Variants in TUBB8B observed in about 807,000 individuals in gnomAD.
TUBB8B encodes the protein HSA18p11 beta-tubulin 4Q pseudogene.
Under a neutral mutation model 31.9 loss-of-function variants are expected in TUBB8B, and 26 were observed. That is an observed-to-expected ratio of 0.81 (90% CI 0.60 to 1.13). TUBB8B has a LOEUF of 1.13. Ranked by LOEUF, TUBB8B falls within the 50% of genes most tolerant of loss-of-function variation. The pLI is 0.00. For synonymous variants in TUBB8B, 173 were observed against 231.0 expected (o/e 0.75, Z 2.28); for missense variants, 467 against 586.7 (o/e 0.80, Z 2.11).
At chr18:66,869 C>T in the TUBB8B span, among the ~76,000 whole-genome samples, 1 of 152,072 alleles carries the variant, frequency 6.6e-6, no homozygotes, top group African/African-American at 2.4e-5. Flanking sequence ...AGTACTGCCA[C>T]CTTAAGAATT....
the TUBB8B span, among the ~76,000 whole-genome samples, chr18:70,591 C>T: frequency 1.3e-5 from 2 of 152,220 alleles, no homozygotes; most frequent in African/African-American, 2.4e-5. Context: ...GCGGAGATCG[C>T]GCCACTACAC....
At chr18:63,473 G>A in the TUBB8B span, among the ~76,000 whole-genome samples, 2 of 151,102 alleles carry the variant, frequency 1.3e-5, no homozygotes, top group African/African-American at 4.8e-5. Context: ...GCCATGTGGA[G>A]CTGGAGTTGG....
At chr18:51,881 C>G (rs574404503), upstream of TUBB8B, among the ~76,000 whole-genome samples, 258 of 151,918 alleles carry the variant, frequency 1.7e-3, 1 homozygote, top group Middle Eastern at 0.017. Context: ...AATTACCCAG[C>G]CTCAGATATG....
upstream of TUBB8B, among the ~76,000 whole-genome samples, chr18:54,613 AAGTGAGGACATG>A (rs1174729532): frequency 6.6e-6 from 1 of 151,942 alleles, no homozygotes; most frequent in Admixed American, 6.6e-5. Flanking sequence ...ACCCACAAAT[AAGTGAGGACATG>A]TGACATTTTT....
chr18:52,323 G>C (rs537511069), upstream of TUBB8B, among the ~76,000 whole-genome samples: 20 of 151,552 alleles, frequency 1.3e-4, no homozygotes, highest in South Asian at 8.4e-4. Context: ...ACAATATGCA[G>C]AGCACTCAGG....
chr18:54,071 A>C (rs1182643718), upstream of TUBB8B, among the ~76,000 whole-genome samples: 1 of 151,626 alleles, frequency 6.6e-6, no homozygotes, highest in Non-Finnish European at 1.5e-5. Flanking sequence ...CTCAGGATTA[A>C]AAATTCTCTT....
upstream of TUBB8B, among the ~76,000 whole-genome samples, chr18:51,748 A>G (rs1906116409): frequency 6.6e-6 from 1 of 151,890 alleles, no homozygotes; most frequent in African/African-American, 2.4e-5. Flanking sequence ...GTTTCCCTAC[A>G]CAAGCTCTTT....
In TUBB8B at chr18:47,367, C is replaced by T. The variant is rs1905636751; in HGVS notation, c.*23G>A. ...AGTAAAGAATCCACACTGCTTCCCCCCTTTACCTAGAAAAGGAGAGTTCTA... is the reference window on the plus strand; with the variant it reads ...AGTAAAGAATCCACACTGCTTCCCCTCTTTACCTAGAAAAGGAGAGTTCTA... On this transcript the variant is annotated 3_prime_UTR_variant, in exon 4 of 4. Coordinates refer to ENST00000308911, the MANE Select transcript of TUBB8B (RefSeq NM_001358689.2). 1.4e-6 allele frequency: 1 copy of T among 729,186 alleles called. No homozygotes were observed. The allele number at this position is 729,186 out of a possible 1,614,324, so 45.2% of individuals were successfully genotyped here.
chr18:48,908 G>A (rs771673927), intron 3 of TUBB8B, 32 bp downstream of exon 3: 5 of 1,440,186 alleles, frequency 3.5e-6, no homozygotes, highest in Non-Finnish European at 4.9e-6. Flanking sequence ...CCTGGCTAAG[G>A]AGCCGCACCC....
chr18:70,259 G>A, the TUBB8B span, among the ~76,000 whole-genome samples: 1 of 152,172 alleles, frequency 6.6e-6, no homozygotes, highest in Non-Finnish European at 1.5e-5. Context: ...TTAACAAAAT[G>A]GACTCTAAAA....
In TUBB8B at chr18:47,692, A is replaced by G. The variant is rs10853305; in HGVS notation, c.1033T>C (p.Phe345Leu). The change falls in exon 4 of 4, where the codon TTC (phenylalanine) becomes CTC (leucine). Residue 345 changes from phenylalanine (F) to leucine (L), a missense_variant. By Grantham distance (22) the Phe-to-Leu change is conservative. This residue lies in a region of TUBB8B where 208 missense variants were observed against 206.7 expected (regional missense o/e 1.01). Coordinates refer to ENST00000308911, the MANE Select transcript of TUBB8B (RefSeq NM_001358689.2). The stretch of plus-strand genomic sequence containing the variant: ...ACGGCTGTTTTTACGTTGTCGGGGA[A>G]CCAGTCAGCAAAGTAGCTGCTGTTC... ...DKNSSYFADW[F>L]PDNVKTAVCD... The G allele has an allele frequency of 5.4e-4, 876 of 1,608,282 alleles. 5 individuals carry two copies. Among genetic ancestry groups the G allele is most frequent in the Admixed American group, 1.1e-3 (65 of 59,774 alleles).
Position 48,981 on chromosome 18 carries a change from C to T in TUBB8B, c.236G>A (p.Gly79Glu), listed in dbSNP as rs770625255. ...TGGCCTGAAGACCTGCCCGAAGGGCCCCGAGTGCACAGAGTCCATGGTGCC... is the reference window on the plus strand; with the variant it reads ...TGGCCTGAAGACCTGCCCGAAGGGCTCCGAGTGCACAGAGTCCATGGTGCC... ...EPGTMDSVHS[G>E]PFGQVFRPDN... The change falls in exon 3 of 4, where the codon GGG becomes GAG. Residue 79 changes from glycine (G) to glutamate (E), a missense_variant. Physicochemically the swap from Gly to Glu is moderately conservative, Grantham distance 98. Coordinates refer to ENST00000308911, the MANE Select transcript of TUBB8B (RefSeq NM_001358689.2). The T allele has an allele frequency of 5.6e-6, 9 of 1,609,082 alleles. No individual in the cohort carries two copies. In the South Asian group the frequency reaches 8.8e-5, roughly 16 times the overall value.
chr18:57,016 G>A, the TUBB8B span, among the ~76,000 whole-genome samples: 1 of 151,876 alleles, frequency 6.6e-6, no homozygotes, highest in Admixed American at 6.6e-5. Flanking sequence ...AACTGTTCAT[G>A]GAAATCCTGC....
At chr18:63,509 T>A in the TUBB8B span, among the ~76,000 whole-genome samples, 1 of 150,696 alleles carries the variant, frequency 6.6e-6, no homozygotes, top group East Asian at 1.9e-4. Flanking sequence ...CCTGAGGCCA[T>A]CACCACTGAG....
the TUBB8B span, among the ~76,000 whole-genome samples, chr18:72,177 C>CAAAAAAAAAAAAAAAAAA: frequency 5.6e-4 from 44 of 78,754 alleles, no homozygotes; most frequent in African/African-American, 1.3e-3. Context: ...GACTCCATCT[C>CAAAAAAAAAAAAAAAAAA]AAAAAAAAAA....
chr18:66,000 G>A, the TUBB8B span, among the ~76,000 whole-genome samples: 1 of 152,134 alleles, frequency 6.6e-6, no homozygotes, highest in Non-Finnish European at 1.5e-5. Context: ...ATGCTGAGGT[G>A]GGAAGATCTT....
chr18:63,767 A>ACCCTAG, the TUBB8B span, among the ~76,000 whole-genome samples: 1 of 141,874 alleles, frequency 7.0e-6, no homozygotes, highest in Non-Finnish European at 1.5e-5. Context: ...CCTAACCCTA[A>ACCCTAG]CCCTAGCCCT....
chr18:64,854 AT>A, the TUBB8B span, among the ~76,000 whole-genome samples: 10 of 152,192 alleles, frequency 6.6e-5, no homozygotes, highest in African/African-American at 1.9e-4. Flanking sequence ...CTTTCTGCTA[AT>A]TTTTTCCCCT....
At chr18:64,588 G>T in the TUBB8B span, among the ~76,000 whole-genome samples, 1 of 151,990 alleles carries the variant, frequency 6.6e-6, no homozygotes, top group African/African-American at 2.4e-5. Context: ...AGTTGGGCAT[G>T]TTGGCACGTG....
Sources: gnomAD v4.1 joint callset for allele counts (sites outside exome capture counted in the v4.1 genomes callset) on GRCh38, gnomAD v4.1.1 for gene constraint, gnomAD v4.1.1 regional missense constraint, MANE v1.5 for transcripts, NCBI Gene and HGNC (gene_info 2026-07-23, HGNC 2026-07-21) for gene names.